HECW1: variants seen among roughly 807,000 people sequenced by gnomAD.
HECW1 encodes the protein E3 ubiquitin-protein ligase HECW1.
Under a neutral mutation model 182.3 loss-of-function variants are expected in HECW1, and 61 were observed. The ratio of observed to expected loss-of-function variants is 0.33; its 90% CI spans 0.27 to 0.41. HECW1 has a LOEUF of 0.41. HECW1 is among the 10% of genes least tolerant of loss of function. HECW1 has a pLI of 1.00. For synonymous variants in HECW1, 859 were observed against 832.6 expected, an observed-to-expected ratio of 1.03 and a Z score of -0.55; for missense variants, 1,739 against 2,108.9, an observed-to-expected ratio of 0.82 and a Z score of 3.44.
At chr7:43,189,265 T>C (rs894416870) in intron 2 of HECW1, among the ~76,000 whole-genome samples, 1 of 152,204 alleles carries the variant, frequency 6.6e-6, no homozygotes, top group African/African-American at 2.4e-5. Context: ...CAAATTTTAA[T>C]GTGCACACAA....
At chr7:43,247,131 G>A (rs919612042) in intron 3 of HECW1, among the ~76,000 whole-genome samples, 2 of 152,182 alleles carry the variant, frequency 1.3e-5, no homozygotes, top group South Asian at 4.1e-4. Flanking sequence ...CAGTTCCTCT[G>A]GGCTGTTCAG....
chr7:43,344,160 C>T (rs1449859258), intron 5 of HECW1, among the ~76,000 whole-genome samples: 2 of 151,498 alleles, frequency 1.3e-5, no homozygotes, highest in Non-Finnish European at 2.9e-5. Flanking sequence ...GGATATTAGC[C>T]CTTTGTCAGA....
At chr7:43,268,190 T>A (rs1802000423) in intron 3 of HECW1, among the ~76,000 whole-genome samples, 1 of 152,254 alleles carries the variant, frequency 6.6e-6, no homozygotes, top group South Asian at 2.1e-4. Flanking sequence ...GGGTGGTTAC[T>A]TTCTCCTCGG....
intron 2 of HECW1, among the ~76,000 whole-genome samples, chr7:43,168,876 G>A (rs1791398171): frequency 1.3e-5 from 2 of 152,130 alleles, no homozygotes; most frequent in African/African-American, 4.8e-5. Flanking sequence ...AACCAGATTG[G>A]TGAAATAAAA....
intron 3 of HECW1, among the ~76,000 whole-genome samples, chr7:43,298,918 T>C (rs1052938179): frequency 2.6e-5 from 4 of 152,226 alleles, no homozygotes; most frequent in African/African-American, 9.6e-5. Context: ...GCATACAAGG[T>C]AAAAAATGGA....
intron 2 of HECW1, among the ~76,000 whole-genome samples, chr7:43,123,586 A>G (rs1785864058): frequency 6.6e-6 from 1 of 152,172 alleles, no homozygotes; most frequent in South Asian, 2.1e-4. Flanking sequence ...GTCTTTGCCC[A>G]TTCTGAGGTT....
intron 20 of HECW1, 34 bp from the exon 21 acceptor site, chr7:43,501,179 C>CTTT: frequency 9.2e-7 from 1 of 1,091,956 alleles, no homozygotes. Flanking sequence ...ACTTTCTTTT[C>CTTT]TTTCTTTTTT....
At chr7:43,502,498 A>G (rs2152925043) in intron 21 of HECW1, among the ~76,000 whole-genome samples, 1 of 152,238 alleles carries the variant, frequency 6.6e-6, no homozygotes, top group South Asian at 2.1e-4. Flanking sequence ...CTCTACCAAA[A>G]AAAATTTTTT....
At chr7:43,275,792 G>A (rs1018099516) in intron 3 of HECW1, among the ~76,000 whole-genome samples, 1 of 149,102 alleles carries the variant, frequency 6.7e-6, no homozygotes, top group Admixed American at 6.7e-5. Flanking sequence ...TAATTTGCTG[G>A]ATAGGTGGCT....
chr7:43,330,533 C>A (rs1811331254), intron 5 of HECW1, among the ~76,000 whole-genome samples: 1 of 152,164 alleles, frequency 6.6e-6, no homozygotes, highest in Admixed American at 6.5e-5. Flanking sequence ...GTAACCAGAG[C>A]ACCAGAGAAA....
At chr7:43,549,749 A>G (rs1585269899) in intron 26 of HECW1, among the ~76,000 whole-genome samples, 1 of 151,798 alleles carries the variant, frequency 6.6e-6, no homozygotes, top group South Asian at 2.1e-4. Flanking sequence ...GTAATATTAT[A>G]CCCCACCCTC....
intron 8 of HECW1, among the ~76,000 whole-genome samples, chr7:43,416,039 A>G (rs2075982899): frequency 6.6e-6 from 1 of 151,570 alleles, no homozygotes; most frequent in Non-Finnish European, 1.5e-5. Context: ...CGTCAAAGTC[A>G]TTCTCCATCC....
chr7:43,407,051 A>G (rs143268020), intron 7 of HECW1, among the ~76,000 whole-genome samples: 23 of 152,266 alleles, frequency 1.5e-4, no homozygotes, highest in African/African-American at 5.1e-4. Context: ...GCAGCATGAA[A>G]TTGTACATGG....
At chr7:43,124,212 G>A (rs59097917) in intron 2 of HECW1, among the ~76,000 whole-genome samples, 2,262 of 152,242 alleles carry the variant, frequency 0.015, 55 homozygotes, top group African/African-American at 0.052. Flanking sequence ...TAGAACTCCT[G>A]CCTTTGAAAT....
intron 2 of HECW1, among the ~76,000 whole-genome samples, chr7:43,182,467 T>C (rs995501674): frequency 6.6e-6 from 1 of 152,236 alleles, no homozygotes; most frequent in African/African-American, 2.4e-5. Flanking sequence ...TGGCTGTAGA[T>C]GTGTGGATTT....
chr7:43,274,484 A>G lies in HECW1; in HGVS notation c.27+30552A>G, dbSNP rs1304786611. The stretch of plus-strand genomic sequence containing the variant: ...ACCACCATGGGCCGGCACCGCACCC[A>G]GGCCCACTGCATCCAGATCATGAAG... On this transcript the variant is annotated intron_variant, in intron 3 of 29. Coordinates refer to ENST00000395891, the MANE Select transcript of HECW1 (RefSeq NM_015052.5). 3.5e-5 allele frequency: 22 copies of G among 620,778 alleles called. No homozygotes were observed. The Admixed American group carries it at 4.5e-4, about 13-fold the overall frequency. 38.5% of individuals were successfully genotyped at this position (620,778 alleles called of 1,614,324 possible).
intron 5 of HECW1, among the ~76,000 whole-genome samples, chr7:43,326,982 A>T (rs1649331402): frequency 6.6e-6 from 1 of 152,250 alleles, no homozygotes; most frequent in Admixed American, 6.5e-5. Context: ...ACATGTTGTT[A>T]GAGCCTTTTA....
chr7:43,488,434 G>GAGAAAGAAAGAAAAAA (rs1554440501), intron 17 of HECW1, among the ~76,000 whole-genome samples: 5 of 93,082 alleles, frequency 5.4e-5, no homozygotes, highest in African/African-American at 2.2e-4. Context: ...AAGAAAGAAA[G>GAGAAAGAAAGAAAAAA]AGAAAGAAAG....
chr7:43,225,257 C>A (rs748344401), intron 2 of HECW1, among the ~76,000 whole-genome samples: 1 of 152,100 alleles, frequency 6.6e-6, no homozygotes, highest in Non-Finnish European at 1.5e-5. Flanking sequence ...AGAAGGCTGG[C>A]GATAGCAAGT....
Sources: gnomAD v4.1 joint callset for allele counts (sites outside exome capture counted in the v4.1 genomes callset) on GRCh38, gnomAD v4.1.1 for gene constraint, MANE v1.5 for transcripts, NCBI Gene and HGNC (gene_info 2026-07-23, HGNC 2026-07-21) for gene names.